Variants in KLC1 observed in about 807,000 individuals in gnomAD.
KLC1 encodes the protein kinesin light chain 1, also known as kinesin 2 60/70kDa.
Under a neutral mutation model 84.2 loss-of-function variants are expected in KLC1, and 30 were observed. The ratio of observed to expected loss-of-function variants is 0.36; its 90% CI spans 0.27 to 0.48. The LOEUF is 0.48. KLC1 is among the 20% of genes least tolerant of loss of function. The pLI is 0.99. For missense variants in KLC1, 499 were observed against 805.4 expected (o/e 0.62, Z 4.60); for synonymous variants, 289 against 293.3 (o/e 0.99, Z 0.15).
At chr14:103,673,619 A>G (rs2151701783) in intron 9 of KLC1, among the ~76,000 whole-genome samples, 188 bp downstream of exon 9, 2 of 152,292 alleles carry the variant, frequency 1.3e-5, no homozygotes, top group South Asian at 4.1e-4. Flanking sequence ...ACATTACCCC[A>G]TTTTAAAAGC....
At chr14:103,655,346 A>G (rs2078752411) in intron 2 of KLC1, among the ~76,000 whole-genome samples, 1 of 152,082 alleles carries the variant, frequency 6.6e-6, no homozygotes, top group Admixed American at 6.5e-5. Context: ...CTTGCTGCCC[A>G]GGCTGGAGTG....
intron 13 of KLC1, chr14:103,683,657 A>G (rs994095969): frequency 6.6e-6 from 1 of 152,016 alleles, no homozygotes; most frequent in African/African-American, 2.4e-5. Flanking sequence ...CACATCCTCT[A>G]TCCTAGGTGG....
chr14:103,678,120 C>T (rs2081063403), intron 12 of KLC1, among the ~76,000 whole-genome samples: 1 of 151,978 alleles, frequency 6.6e-6, no homozygotes, highest in Admixed American at 6.6e-5. Flanking sequence ...ACTAAAAACA[C>T]AGTGCAGTGG....
intron 1 of KLC1, among the ~76,000 whole-genome samples, chr14:103,631,092 T>A (rs1430207328): frequency 3.3e-5 from 5 of 152,142 alleles, no homozygotes; most frequent in Non-Finnish European, 5.9e-5. Flanking sequence ...ACATTTTTTT[T>A]TTTTTTGAGA....
In KLC1 at chr14:103,645,906, C is replaced by T. The variant is rs569850148; in HGVS notation, c.-1-8658C>T. Among the ~76,000 whole-genome samples the T allele has an allele frequency of 4.6e-5, 7 of 152,054 alleles. No homozygotes were observed. In the South Asian group the frequency reaches 1.5e-3, roughly 32 times the overall value. On this transcript the variant is annotated intron_variant, in intron 1 of 16. Coordinates refer to ENST00000334553, the MANE Select transcript of KLC1 (RefSeq NM_001394837.1). ...CCGAGTAGCTGGGACTACAGGCACCCGCCACCATGCCCAGCTAATTTTTTT... is the reference window on the plus strand; with the variant it reads ...CCGAGTAGCTGGGACTACAGGCACCTGCCACCATGCCCAGCTAATTTTTTT...
At position 103,658,442 on chromosome 14, in the gene KLC1, T is replaced by G. The variant is rs2078995045; in HGVS notation, c.492+666T>G. On this transcript the variant is annotated intron_variant, in intron 3 of 16. Coordinates refer to ENST00000334553, the MANE Select transcript of KLC1 (RefSeq NM_001394837.1). ...TGCCCAGCTAAGTTTTTTTTTTTTT[T>G]TTTTTTTTTTTTAGTAGAGATGAGG... 1.4e-5 allele frequency among the ~76,000 whole-genome samples: 2 copies of G among 144,588 alleles called. 1 individual carries two copies. Among genetic ancestry groups the G allele is most frequent in the African/African-American group, 5.2e-5 (2 of 38,790 alleles). 94.9% of individuals were successfully genotyped at this position (144,588 alleles called of 152,430 possible). A position where few individuals can be genotyped will look rare whatever the true frequency, so the allele number is the denominator to read the frequency against.
chr14:103,677,872 C>T (rs1224860892), intron 12 of KLC1, among the ~76,000 whole-genome samples: 1 of 151,622 alleles, frequency 6.6e-6, no homozygotes, highest in Non-Finnish European at 1.5e-5. Context: ...GAGGCTGAGA[C>T]AGGAGAATCG....
In KLC1 at chr14:103,698,940, C is replaced by A. The variant is rs187038000; in HGVS notation, c.1849-1715C>A. On this transcript the variant is annotated intron_variant, in intron 15 of 16. Coordinates refer to ENST00000334553, the MANE Select transcript of KLC1 (RefSeq NM_001394837.1). ...GAGGGCAGCCTCTTCCTCGCGGAGCCGGTCAGCCAGCAGTCTCACCAGGAG... is the reference window on the plus strand; with the variant it reads ...GAGGGCAGCCTCTTCCTCGCGGAGCAGGTCAGCCAGCAGTCTCACCAGGAG... 9 of 1,600,596 alleles carry A rather than the reference C, an allele frequency of 5.6e-6. No individual in the cohort carries two copies. In the Admixed American group the frequency reaches 1.5e-4, roughly 27 times the overall value.
At chr14:103,648,534 G>A (rs1470949005) in intron 1 of KLC1, among the ~76,000 whole-genome samples, 4 of 152,134 alleles carry the variant, frequency 2.6e-5, no homozygotes, top group Non-Finnish European at 5.9e-5. Context: ...TGTAATCGCA[G>A]CACTTTCGGA....
At chr14:103,637,555 G>C (rs960350041) in intron 1 of KLC1, among the ~76,000 whole-genome samples, 3 of 151,652 alleles carry the variant, frequency 2.0e-5, no homozygotes, top group African/African-American at 7.3e-5. Context: ...ATTTTCGCAG[G>C]GTTTATTTTT....
intron 1 of KLC1, among the ~76,000 whole-genome samples, chr14:103,643,006 G>A (rs1277563248): frequency 1.3e-5 from 2 of 152,092 alleles, no homozygotes; most frequent in East Asian, 3.9e-4. Flanking sequence ...CCTGACCTCA[G>A]GTAATCCACC....
chr14:103,659,451 A>C (rs992479106), intron 3 of KLC1, among the ~76,000 whole-genome samples: 1 of 152,220 alleles, frequency 6.6e-6, no homozygotes, highest in African/African-American at 2.4e-5. Flanking sequence ...ATCGTCCATA[A>C]TCATAGAACA....
intron 5 of KLC1, among the ~76,000 whole-genome samples, chr14:103,665,117 T>C (rs539561369): frequency 1.3e-5 from 2 of 152,280 alleles, no homozygotes; most frequent in African/African-American, 2.4e-5. Context: ...TTTCAGCTTG[T>C]TATTTCATCA....
chr14:103,651,866 G>T (rs1473796477), intron 1 of KLC1, among the ~76,000 whole-genome samples: 1 of 152,168 alleles, frequency 6.6e-6, no homozygotes, highest in Non-Finnish European at 1.5e-5. Context: ...GGTTTCTTCT[G>T]TCTGGCCTTC....
chr14:103,629,518 G>A (rs541259611), intron 1 of KLC1, 24 bp downstream of exon 1: 22 of 152,630 alleles, frequency 1.4e-4, no homozygotes, highest in African/African-American at 5.1e-4. Flanking sequence ...GTGCGCCCCG[G>A]ACCGCGGCCC....
chr14:103,694,485 TGAG>T lies in KLC1; in HGVS notation c.1848+2062_1848+2064del, dbSNP rs1343626379. 1.0e-6 allele frequency: 1 copy of T among 985,394 alleles called. No individual in the cohort carries two copies. The highest frequency in any genetic ancestry group is 1.2e-6 in the Non-Finnish European group (1 of 829,986). 61.0% of individuals were successfully genotyped at this position (985,394 alleles called of 1,614,324 possible). A position where few individuals can be genotyped will look rare whatever the true frequency, so the allele number is the denominator to read the frequency against. On this transcript the variant is annotated intron_variant, in intron 15 of 16. Coordinates refer to ENST00000334553, the MANE Select transcript of KLC1 (RefSeq NM_001394837.1). The surrounding 1 kb of genome is among the most constrained non-coding windows in gnomAD (Gnocchi z 4.5). ...TTTTAAAAGCTTAAGCTTTATGGAATGAGGGAGCACGGTGGACTCTGACAGGAA... is the reference window on the plus strand; with the variant it reads ...TTTTAAAAGCTTAAGCTTTATGGAATGGAGCACGGTGGACTCTGACAGGAA...
chr14:103,652,464 A>T (rs906098874), intron 1 of KLC1, among the ~76,000 whole-genome samples: 1 of 151,990 alleles, frequency 6.6e-6, no homozygotes, highest in East Asian at 1.9e-4. Context: ...ACTAACAGTT[A>T]ACATACTGTC....
At chr14:103,640,152 C>T (rs1035309311) in intron 1 of KLC1, among the ~76,000 whole-genome samples, 1 of 152,092 alleles carries the variant, frequency 6.6e-6, no homozygotes, top group Non-Finnish European at 1.5e-5. Context: ...ACTCCACTTT[C>T]CAGGTTCATG....
At chr14:103,642,905 A>G (rs115378823) in intron 1 of KLC1, among the ~76,000 whole-genome samples, 2,602 of 151,490 alleles carry the variant, frequency 0.017, 68 homozygotes, top group African/African-American at 0.056. Flanking sequence ...AGTTGCTGGG[A>G]CAACAGGCGC....
Sources: allele counts gnomAD v4.1 joint callset (sites outside exome capture counted in the v4.1 genomes callset), GRCh38; gene constraint gnomAD v4.1.1; non-coding constraint Gnocchi (gnomAD v3.1); transcripts MANE v1.5; gene names NCBI Gene and HGNC (gene_info 2026-07-23, HGNC 2026-07-21).